RELN: variants seen among roughly 807,000 people sequenced by gnomAD.
RELN encodes the protein reelin.
In RELN, 108 loss-of-function variants were observed where a neutral mutation model predicts 427.6. That is an observed-to-expected ratio of 0.25 (90% CI 0.22 to 0.30). The LOEUF is 0.30. Among genes scored for constraint, RELN ranks in the 10% least tolerant of loss-of-function variants. The probability of loss-of-function intolerance (pLI) is 1.00; values close to 1 mark genes in which losing one functional copy is unlikely to be tolerated. For synonymous variants in RELN, 1,524 were observed against 1,513.4 expected (o/e 1.01, Z -0.16); for missense variants, 3,715 against 4,302.8 (o/e 0.86, Z 3.82).
chr7:103,811,526 T>C (rs575704640), intron 3 of RELN, among the ~76,000 whole-genome samples: 2 of 152,256 alleles, frequency 1.3e-5, no homozygotes, highest in East Asian at 1.9e-4. Context: ...ATTGATGAGA[T>C]AGCCTGCACA....
chr7:103,861,752 A>G (rs540354994), intron 2 of RELN, among the ~76,000 whole-genome samples: 1 of 152,290 alleles, frequency 6.6e-6, no homozygotes, highest in Admixed American at 6.5e-5. Flanking sequence ...AGTATGATGG[A>G]CAAAAGAAAG....
chr7:103,731,472 ACCAAATCCTCT>A (rs1217992121), intron 6 of RELN, among the ~76,000 whole-genome samples: 2 of 151,780 alleles, frequency 1.3e-5, no homozygotes. Flanking sequence ...ATTAATTGAT[ACCAAATCCTCT>A]CCTTCTATTT....
rs1791749495 is a variant in RELN at position 103,776,612 on chromosome 7, G to T, written c.489C>A (p.His163Gln). The change falls in exon 4 of 65, where the codon CAC becomes CAA. Residue 163 changes from histidine (H) to glutamine (Q), a missense_variant. Around this residue, in one of 4 missense-constraint regions of RELN, gnomAD observed 2,208 missense variants for 2,361.7 expected, o/e 0.93. Transcript: ENST00000428762. ...GCVNFMATAT[H>Q]RGQVIFKDAL... ...CATCTTTGAAAATAACCTGGCCCCG[G>T]TGTGTTGCTGTAGCCCTGGAAACAA... 1.9e-6 allele frequency: 3 copies of T among 1,614,068 alleles called. No individual in the cohort carries two copies. The highest frequency in any genetic ancestry group is 2.5e-6 in the Non-Finnish European group (3 of 1,179,950).
At chr7:103,985,182 C>A (rs1672614116) in intron 1 of RELN, among the ~76,000 whole-genome samples, 2 of 152,022 alleles carry the variant, frequency 1.3e-5, no homozygotes, top group Admixed American at 6.6e-5. Flanking sequence ...AGATATACAG[C>A]ATGAAAAAAT....
chr7:103,743,854 C>T (rs1200388571), intron 6 of RELN, among the ~76,000 whole-genome samples: 24 of 152,220 alleles, frequency 1.6e-4, no homozygotes, highest in African/African-American at 4.3e-4. Context: ...GACAGATCAA[C>T]AAGACAGAAA....
chr7:103,510,845 T>C lies in RELN; in HGVS notation c.8274+6A>G, dbSNP rs749194304. ...TGTTTATATAATCAAGATCATAACA[T>C]TTCACCTTGAATTGCATAATCCAGC... On this transcript the variant is annotated splice_donor_region_variant and intron_variant, in intron 51 of 64. Transcript: ENST00000428762. 1.2e-6 allele frequency: 2 copies of C among 1,609,800 alleles called. No individual in the cohort carries two copies. The highest frequency in any genetic ancestry group is 1.7e-6 in the Non-Finnish European group (2 of 1,176,188).
intron 19 of RELN, among the ~76,000 whole-genome samples, chr7:103,631,286 CTTTTTTTTT>C (rs545808640): frequency 1.0e-4 from 8 of 77,812 alleles, no homozygotes; most frequent in Admixed American, 6.0e-4. Flanking sequence ...AAAAACACTT[CTTTTTTTTT>C]TTTTTTTTTT....
intron 5 of RELN, among the ~76,000 whole-genome samples, chr7:103,752,807 C>T (rs1791039276): frequency 6.6e-6 from 1 of 152,092 alleles, no homozygotes; most frequent in Admixed American, 6.6e-5. Context: ...TAAATGACTT[C>T]AGTTCTTCCA....
intron 11 of RELN, among the ~76,000 whole-genome samples, chr7:103,668,537 C>T (rs922900852): frequency 6.6e-6 from 1 of 152,076 alleles, no homozygotes; most frequent in African/African-American, 2.4e-5. Context: ...GATTTTCTTA[C>T]AGTTGTAAAA....
chr7:103,981,822 G>C (rs1796995492), intron 1 of RELN, among the ~76,000 whole-genome samples: 1 of 152,228 alleles, frequency 6.6e-6, no homozygotes, highest in Non-Finnish European at 1.5e-5. Flanking sequence ...AAAAGTGCGT[G>C]CCTGCTGAGT....
At position 103,988,081 on chromosome 7, in the gene RELN, A is replaced by T. The variant is rs1462776398; in HGVS notation, c.226+1050T>A. ...AGCCTATTAGAGATAGAAACTATTA[A>T]CAGGAGCCTACTGGACAATGGTTTC... On this transcript the variant is annotated intron_variant, in intron 1 of 64. Transcript: ENST00000428762. The surrounding 1 kb of genome is among the most constrained non-coding windows in gnomAD (Gnocchi z 4.9). Among the ~76,000 whole-genome samples the T allele has an allele frequency of 6.6e-6, 1 of 152,186 alleles. No individual in the cohort carries two copies. The highest frequency in any genetic ancestry group is 1.9e-4 in the East Asian group (1 of 5,198).
intron 13 of RELN, 101 bp from the exon 14 acceptor site, chr7:103,652,860 C>CATTT (rs1330572384): frequency 8.0e-6 from 8 of 1,001,986 alleles, no homozygotes; most frequent in African/African-American, 1.6e-5. Context: ...ACATAACTGC[C>CATTT]ATTTATTAAG....
chr7:103,578,178 T>A (rs1831046354), intron 28 of RELN, among the ~76,000 whole-genome samples: 1 of 152,190 alleles, frequency 6.6e-6, no homozygotes. Flanking sequence ...TATAAGAGAA[T>A]CAAGTTCTGA....
intron 4 of RELN, among the ~76,000 whole-genome samples, chr7:103,764,532 G>A (rs568157942): frequency 2.2e-4 from 34 of 151,952 alleles, no homozygotes; most frequent in Middle Eastern, 3.4e-3. Context: ...GTTCAACAGG[G>A]ACAATATAAA....
At chr7:103,574,638 A>G (rs756681224) in intron 29 of RELN, among the ~76,000 whole-genome samples, 8 of 152,118 alleles carry the variant, frequency 5.3e-5, no homozygotes, top group Non-Finnish European at 8.8e-5. Context: ...TTATCCTTCT[A>G]TTCTAGGATC....
In RELN at chr7:103,953,439, C is replaced by T. The variant is rs1584397112; in HGVS notation, c.226+35692G>A. Among the ~76,000 whole-genome samples, 1 of 152,174 alleles carries T rather than the reference C, an allele frequency of 6.6e-6. No homozygotes were observed. The highest frequency in any genetic ancestry group is 6.5e-5 in the Admixed American group (1 of 15,270). ...TAACATTCAGTTTTCTTTGTAGCTT[C>T]ATTGAAAGCAGTTCTAATGTGCTCT... On this transcript the variant is annotated intron_variant, in intron 1 of 64. Coordinates refer to ENST00000428762, the MANE Select transcript of RELN (RefSeq NM_005045.4). This position sits in a 1 kb window ranked among gnomAD's most constrained non-coding sequence, Gnocchi z 4.3.
intron 55 of RELN, among the ~76,000 whole-genome samples, chr7:103,497,415 T>TC (rs1233232074): frequency 6.6e-6 from 1 of 152,306 alleles, no homozygotes; most frequent in Middle Eastern, 3.4e-3. Flanking sequence ...GACTTTTTTT[T>TC]CACAATTTTA....
In RELN at chr7:103,515,388, C is replaced by A. The variant is rs369735904; in HGVS notation, c.7916G>T (p.Arg2639Leu). The stretch of plus-strand genomic sequence containing the variant: ...GCCGTCATGTCTTGGCTGCCACCAG[C>A]GGAAGCGAGTGGCAATCTCTTTAGC... ...PDAKEIATRF[R>L]WWQPRHDGLD... Residue 2639 changes from arginine (R) to leucine (L), a missense_variant, in exon 50 of 65, where the codon CGC (arginine) becomes CTC (leucine). By Grantham distance (102) the Arg-to-Leu change is moderately radical. Around this residue, in one of 4 missense-constraint regions of RELN, gnomAD observed 1,310 missense variants for 1,643.0 expected, o/e 0.80. Coordinates refer to ENST00000428762, the MANE Select transcript of RELN (RefSeq NM_005045.4). 1.9e-6 allele frequency: 3 copies of A among 1,613,964 alleles called. No individual in the cohort carries two copies. Among genetic ancestry groups the A allele is most frequent in the African/African-American group, 2.7e-5 (2 of 74,900 alleles).
At chr7:103,909,684 AATAAATATATATAT>A (rs1563084692) in intron 2 of RELN, among the ~76,000 whole-genome samples, 2,483 of 75,084 alleles carry the variant, frequency 0.033, 271 homozygotes, top group East Asian at 0.19. Flanking sequence ...AAATATATTT[AATAAATATATATAT>A]TTAATATATA....
Sources: gnomAD v4.1 joint callset for allele counts (sites outside exome capture counted in the v4.1 genomes callset) on GRCh38, gnomAD v4.1.1 for gene constraint, gnomAD v4.1.1 regional missense constraint, Gnocchi (gnomAD v3.1) non-coding constraint, MANE v1.5 for transcripts, NCBI Gene and HGNC (gene_info 2026-07-23, HGNC 2026-07-21) for gene names.